Variants in PTPRT observed in about 807,000 individuals in gnomAD.
PTPRT encodes the protein receptor-type tyrosine-protein phosphatase T.
PTPRT carries 56 observed loss-of-function variants against 176.8 expected under a neutral mutation model. The ratio of observed to expected loss-of-function variants is 0.32; its 90% CI spans 0.26 to 0.40. The LOEUF (loss-of-function observed/expected upper bound fraction) is 0.40. Among genes scored for constraint, PTPRT ranks in the 10% least tolerant of loss-of-function variants. PTPRT has a pLI of 1.00. For missense variants in PTPRT, 1,540 were observed against 1,908.2 expected (o/e 0.81, Z 3.60); for synonymous variants, 783 against 739.0 (o/e 1.06, Z -0.96).
chr20:42,301,656 G>A (rs896922575), intron 12 of PTPRT, among the ~76,000 whole-genome samples: 29 of 152,220 alleles, frequency 1.9e-4, no homozygotes, highest in Middle Eastern at 3.4e-3. Context: ...ACAAATAGGG[G>A]AAGAAGAGAA....
At chr20:42,858,220 G>C (rs966740140) in intron 2 of PTPRT, among the ~76,000 whole-genome samples, 1 of 152,156 alleles carries the variant, frequency 6.6e-6, no homozygotes, top group African/African-American at 2.4e-5. Flanking sequence ...TGTTAAAATG[G>C]TAAGGAAGAC....
chr20:42,226,523 A>C (rs1321064780), intron 15 of PTPRT, among the ~76,000 whole-genome samples: 3 of 152,202 alleles, frequency 2.0e-5, no homozygotes, highest in African/African-American at 7.2e-5. Flanking sequence ...TAGCATCATC[A>C]TCAACATTGA....
chr20:42,076,961 A>G lies in PTPRT; in HGVS notation c.*3918T>C, dbSNP rs1982834450. ...AAATGTGAGATACAATGGTGGAAAAATATTGTCTCTGTAGTGAGAAAAAAC... is the reference window on the plus strand; with the variant it reads ...AAATGTGAGATACAATGGTGGAAAAGTATTGTCTCTGTAGTGAGAAAAAAC... On this transcript the variant is annotated 3_prime_UTR_variant, in exon 31 of 31. Coordinates refer to ENST00000373187, the MANE Select transcript of PTPRT (RefSeq NM_007050.6). 5.1e-6 allele frequency: 1 copy of G among 195,442 alleles called. No homozygotes were observed. Among genetic ancestry groups the G allele is most frequent in the Non-Finnish European group, 1.1e-5 (1 of 94,076 alleles). 12.1% of individuals were successfully genotyped at this position (195,442 alleles called of 1,614,324 possible). A position where few individuals can be genotyped will look rare whatever the true frequency, so the allele number is the denominator to read the frequency against.
chr20:42,883,364 G>C (rs7347495), intron 2 of PTPRT, among the ~76,000 whole-genome samples: 2 of 152,040 alleles, frequency 1.3e-5, no homozygotes, highest in Non-Finnish European at 2.9e-5. Context: ...TAAAATGGCA[G>C]AACAAAGTGA....
intron 7 of PTPRT, among the ~76,000 whole-genome samples, chr20:42,660,514 C>T (rs949896859): frequency 1.3e-4 from 20 of 152,154 alleles, no homozygotes; most frequent in African/African-American, 4.8e-4. Context: ...AGACATGAAA[C>T]CATTAAAAAA....
chr20:42,750,530 T>C (rs1465428857), intron 6 of PTPRT, among the ~76,000 whole-genome samples: 2 of 152,156 alleles, frequency 1.3e-5, no homozygotes, highest in African/African-American at 4.8e-5. Context: ...ATCCCTACTC[T>C]TGATCCTAAC....
At chr20:42,690,940 C>T (rs1364712530) in intron 6 of PTPRT, among the ~76,000 whole-genome samples, 3 of 152,172 alleles carry the variant, frequency 2.0e-5, no homozygotes, top group Non-Finnish European at 2.9e-5. Context: ...TTATTCCTTT[C>T]TTCCCATGGC....
intron 7 of PTPRT, among the ~76,000 whole-genome samples, chr20:42,550,956 T>C (rs1034314317): frequency 1.3e-5 from 2 of 152,136 alleles, no homozygotes; most frequent in African/African-American, 4.8e-5. Flanking sequence ...AATGTGGTCA[T>C]CGGAATTGGA....
chr20:42,695,619 C>T (rs1297760547), intron 6 of PTPRT, among the ~76,000 whole-genome samples: 1 of 152,122 alleles, frequency 6.6e-6, no homozygotes, highest in African/African-American at 2.4e-5. Context: ...TTGGAACAAC[C>T]TACAAACTGG....
intron 6 of PTPRT, among the ~76,000 whole-genome samples, chr20:42,742,757 T>A (rs150467382): frequency 6.6e-6 from 1 of 152,196 alleles, no homozygotes; most frequent in East Asian, 1.9e-4. Flanking sequence ...ACTCTGCGAT[T>A]TCCACACTTT....
intron 2 of PTPRT, among the ~76,000 whole-genome samples, chr20:42,857,445 T>C (rs187905617): frequency 9.9e-5 from 15 of 152,264 alleles, no homozygotes; most frequent in African/African-American, 3.6e-4. Flanking sequence ...TCAGCGTACA[T>C]TTTTTCTCTC....
intron 2 of PTPRT, among the ~76,000 whole-genome samples, chr20:42,802,187 A>G (rs2077540511): frequency 6.6e-6 from 1 of 152,214 alleles, no homozygotes; most frequent in Non-Finnish European, 1.5e-5. Context: ...AGTGATGCTG[A>G]TGGGACTGAT....
chr20:42,252,760 CAGA>C (rs2056568260), intron 13 of PTPRT, among the ~76,000 whole-genome samples: 1 of 152,216 alleles, frequency 6.6e-6, no homozygotes, highest in African/African-American at 2.4e-5. Context: ...TTGAGGGCCA[CAGA>C]AGAACATTCA....
At chr20:43,070,726 TA>T (rs2011168653) in intron 1 of PTPRT, among the ~76,000 whole-genome samples, 2 of 151,406 alleles carry the variant, frequency 1.3e-5, no homozygotes, top group Admixed American at 6.6e-5. Flanking sequence ...CTCGCAAGGA[TA>T]AAAAACCAAA....
chr20:42,567,655 C>G (rs2073067851), intron 7 of PTPRT, among the ~76,000 whole-genome samples: 1 of 152,190 alleles, frequency 6.6e-6, no homozygotes, highest in African/African-American at 2.4e-5. Flanking sequence ...TGAGTTAATG[C>G]CAGCCTCACC....
At chr20:42,317,181 T>C (rs2057733087) in intron 11 of PTPRT, among the ~76,000 whole-genome samples, 1 of 152,230 alleles carries the variant, frequency 6.6e-6, no homozygotes, top group Admixed American at 6.5e-5. Context: ...TAAACAGCGA[T>C]TGCCTTGAGT....
At chr20:42,397,116 T>C (rs79587187) in intron 9 of PTPRT, among the ~76,000 whole-genome samples, 1 of 152,342 alleles carries the variant, frequency 6.6e-6, no homozygotes, top group East Asian at 1.9e-4. Flanking sequence ...TCCAGTGAGA[T>C]GGTGTCAGTT....
intron 2 of PTPRT, among the ~76,000 whole-genome samples, chr20:42,870,021 A>G (rs764878994): frequency 2.0e-5 from 3 of 152,190 alleles, no homozygotes; most frequent in Non-Finnish European, 2.9e-5. Context: ...CAGACACCAA[A>G]CATAATGGTG....
chr20:42,907,650 A>G (rs1487287375), intron 1 of PTPRT, among the ~76,000 whole-genome samples: 1 of 152,164 alleles, frequency 6.6e-6, no homozygotes, highest in African/African-American at 2.4e-5. Context: ...CCGTGGCGTG[A>G]GAGAGCTACA....
Sources: gnomAD v4.1 joint callset for allele counts (sites outside exome capture counted in the v4.1 genomes callset) on GRCh38, gnomAD v4.1.1 for gene constraint, MANE v1.5 for transcripts, NCBI Gene and HGNC (gene_info 2026-07-23, HGNC 2026-07-21) for gene names.